Variants in ARSD observed in about 807,000 individuals in gnomAD.
ARSD encodes the protein arylsulfatase D, also known as testis tissue sperm-binding protein Li 39a.
ARSD carries 21 observed loss-of-function variants against 32.6 expected under a neutral mutation model. That is an observed-to-expected ratio of 0.64 (90% CI 0.46 to 0.93). The LOEUF (loss-of-function observed/expected upper bound fraction) is 0.93. ARSD is among the 40% of genes least tolerant of loss of function. ARSD has a pLI of 0.00. For missense variants in ARSD, 454 were observed against 520.9 expected (o/e 0.87, Z 1.25); for synonymous variants, 224 against 237.4 (o/e 0.94, Z 0.52).
rs1411265258 is a variant in ARSD at position 2,929,315 on chromosome X, C to T, written c.-40G>A. 4 of 941,712 alleles carry T rather than the reference C, an allele frequency of 4.2e-6. No individual in the cohort carries two copies. The highest frequency in any genetic ancestry group is 5.8e-5 in the Admixed American group (1 of 17,112). The allele number at this position is 941,712 out of a possible 1,213,427, so 77.6% of individuals were successfully genotyped here. A position where few individuals can be genotyped will look rare whatever the true frequency, so the allele number is the denominator to read the frequency against. On this transcript the variant is annotated 5_prime_UTR_variant, in exon 1 of 10. Coordinates refer to ENST00000381154, the MANE Select transcript of ARSD (RefSeq NM_001669.4). Reference sequence around the variant, plus strand: ...CCAGAGCGCAGGACCTTGCCCTGCGCACTCCGCGCCCGGGCGCCGCTAGTG... The same window carrying T: ...CCAGAGCGCAGGACCTTGCCCTGCGTACTCCGCGCCCGGGCGCCGCTAGTG...
At chrX:2,928,678 G>GT (rs1270609491) in intron 1 of ARSD, among the ~76,000 whole-genome samples, 22 of 83,204 alleles carry the variant, frequency 2.6e-4, no homozygotes, top group African/African-American at 8.3e-4. Context: ...GAGCTGGGGG[G>GT]TTGGGGGCGG....
At chrX:2,914,430 GC>G (rs2088933666) in intron 6 of ARSD, 2 of 413,811 alleles carry the variant, frequency 4.8e-6, no homozygotes, top group Non-Finnish European at 6.3e-6. Flanking sequence ...GGGGGGGGGG[GC>G]GTCTCACTAT....
At chrX:2,912,235 T>C (rs1362736860) in intron 6 of ARSD, among the ~76,000 whole-genome samples, 1 of 112,123 alleles carries the variant, frequency 8.9e-6, no homozygotes, top group East Asian at 2.8e-4. Context: ...GAGGCTTCTT[T>C]GGCATTATGA....
At chrX:2,925,113 G>A (rs897323090) in intron 2 of ARSD, among the ~76,000 whole-genome samples, 3 of 112,673 alleles carry the variant, frequency 2.7e-5, no homozygotes, top group African/African-American at 6.4e-5. Flanking sequence ...CACAACAGAC[G>A]TTGTTTGCAA....
chrX:2,928,686 C>T (rs866454983), intron 1 of ARSD, among the ~76,000 whole-genome samples: 1 of 17,059 alleles, frequency 5.9e-5, no homozygotes, highest in Non-Finnish European at 1.0e-4. Flanking sequence ...GGGTTGGGGG[C>T]GGGACGGGGT....
In ARSD at chrX:2,907,604, C is replaced by G; in HGVS notation, c.1449G>C (p.Thr483=). The change falls in exon 10 of 10, where the codon ACG becomes ACC. Residue 483 remains threonine (T), a synonymous_variant. Coordinates refer to ENST00000381154, the MANE Select transcript of ARSD (RefSeq NM_001669.4). ...CTCCCTCGGGGTGGAACTGCGGGGTCGTGTAATGAACCTTCCAGACGCTTC... is the reference window on the plus strand; with the variant it reads ...CTCCCTCGGGGTGGAACTGCGGGGTGGTGTAATGAACCTTCCAGACGCTTC... ...DSGSVWKVHY[T]TPQFHPEGAG... is the part of the protein sequence containing the mutation. 1 of 1,113,691 alleles carries G rather than the reference C, an allele frequency of 9.0e-7. No individual in the cohort carries two copies. Among genetic ancestry groups the G allele is most frequent in the Middle Eastern group, 2.6e-4 (1 of 3,914 alleles). The allele number at this position is 1,113,691 out of a possible 1,213,427, so 91.8% of individuals were successfully genotyped here.
intron 2 of ARSD, among the ~76,000 whole-genome samples, chrX:2,923,903 T>C (rs1698814): frequency 0.48 from 52,771 of 111,088 alleles, 9,038 homozygotes; most frequent in Admixed American, 0.54. Flanking sequence ...TGGTGACAGA[T>C]GCACAGCTCC....
At chrX:2,914,714 T>C (rs759724266) in intron 6 of ARSD, 1 of 1,026,246 alleles carries the variant, frequency 9.7e-7, no homozygotes, top group East Asian at 6.1e-5. Context: ...TGCATTGTCC[T>C]GAACATTAAC....
chrX:2,916,382 C>T (rs1188252506), intron 5 of ARSD, among the ~76,000 whole-genome samples: 3 of 109,396 alleles, frequency 2.7e-5, no homozygotes, highest in South Asian at 4.0e-4. Flanking sequence ...CCTGTAATCT[C>T]GGCCACTCAA....
At chrX:2,911,318 A>G (rs1251563765) in intron 6 of ARSD, among the ~76,000 whole-genome samples, 1 of 109,587 alleles carries the variant, frequency 9.1e-6, no homozygotes, top group Non-Finnish European at 1.9e-5. Flanking sequence ...GGTTGCAGTG[A>G]GGTGAGATTA....
chrX:2,917,493 C>G (rs73632967), intron 5 of ARSD, among the ~76,000 whole-genome samples: 2 of 109,966 alleles, frequency 1.8e-5, no homozygotes, highest in South Asian at 8.1e-4. Flanking sequence ...ATTTTTTTAG[C>G]GACAGAGTCT....
chrX:2,922,842 C>CAAAAAAAAAAAAAAAAAAAAAAAA (rs60380048), intron 2 of ARSD, among the ~76,000 whole-genome samples: 2 of 43,717 alleles, frequency 4.6e-5, no homozygotes, highest in Non-Finnish European at 7.9e-5. Flanking sequence ...GACCGTGTCT[C>CAAAAAAAAAAAAAAAAAAAAAAAA]AAAAAAAAAA....
chrX:2,917,632 C>T (rs761298394), intron 5 of ARSD, among the ~76,000 whole-genome samples, 172 bp downstream of exon 5: 22 of 110,307 alleles, frequency 2.0e-4, no homozygotes, highest in Admixed American at 1.9e-3. Flanking sequence ...CACCACTATG[C>T]CCGGCTAATG....
In ARSD at chrX:2,907,116, C is replaced by CAAAAAA. The variant is rs10634744; in HGVS notation, c.*149_*154dup. On this transcript the variant is annotated 3_prime_UTR_variant, in exon 10 of 10. Transcript: ENST00000381154. ...TGAGGGACAGAGCGACACTCTGTCT[C>CAAAAAA]AAAAAAGAAAGAAAGAAAGAAAGAA... 3 of 513,990 alleles carry CAAAAAA rather than the reference C, an allele frequency of 5.8e-6. No homozygotes were observed. Among genetic ancestry groups the CAAAAAA allele is most frequent in the Middle Eastern group, 5.4e-4 (1 of 1,835 alleles). The allele number at this position is 513,990 out of a possible 1,213,427, so 42.4% of individuals were successfully genotyped here. A position where few individuals can be genotyped will look rare whatever the true frequency, so the allele number is the denominator to read the frequency against.
rs1211009840 is a variant in ARSD at position 2,907,318 on chromosome X, G to A, written c.1735C>T (p.His579Tyr). ...WKPWLQPCCG[H>Y]FPFCSCHEDG... ...TCGTGGCATGAACAGAACGGGAAATGTCCGCAGCACGGCTGCAGCCACGGC... is the reference window on the plus strand; with the variant it reads ...TCGTGGCATGAACAGAACGGGAAATATCCGCAGCACGGCTGCAGCCACGGC... Residue 579 changes from histidine to tyrosine, a missense_variant, in exon 10 of 10, where the codon CAT becomes TAT. His to Tyr is a moderately conservative substitution (Grantham distance 83). This residue lies in a region of ARSD where 179 missense variants were observed against 198.5 expected (regional missense o/e 0.90). Coordinates refer to ENST00000381154, the MANE Select transcript of ARSD (RefSeq NM_001669.4). 4 of 1,211,875 alleles carry A rather than the reference G, an allele frequency of 3.3e-6. No individual in the cohort carries two copies. Among genetic ancestry groups the A allele is most frequent in the Non-Finnish European group, 4.5e-6 (4 of 895,450 alleles).
chrX:2,914,233 T>C (rs1318240901), intron 6 of ARSD: 1 of 746,179 alleles, frequency 1.3e-6, no homozygotes, highest in Non-Finnish European at 1.6e-6. Flanking sequence ...CGTCTTTTAT[T>C]TCTTTTTTTT....
chrX:2,919,033 C>T (rs1453926289), intron 4 of ARSD, among the ~76,000 whole-genome samples: 1 of 110,792 alleles, frequency 9.0e-6, no homozygotes, highest in Non-Finnish European at 1.9e-5. Flanking sequence ...AGGAGAATCG[C>T]TTGAACCCAG....
Position 2,908,817 on chromosome X carries a change from G to T in ARSD, c.1324C>A (p.Pro442Thr), listed in dbSNP as rs1205454538. ...DRVIDGHSLV[P>T]LLQGAEARSA... ...CGTGCCTCAGCTCCCTGCAGCAAGG[G>T]TACCAGGCTGTGGCCATCAATCACC... The change falls in exon 9 of 10, where the codon CCC (proline) becomes ACC (threonine). Residue 442 changes from proline to threonine, a missense_variant. This residue lies in a region of ARSD where 179 missense variants were observed against 198.5 expected (regional missense o/e 0.90). Transcript: ENST00000381154. 1 of 1,210,969 alleles carries T rather than the reference G, an allele frequency of 8.3e-7. No individual in the cohort carries two copies. Among genetic ancestry groups the T allele is most frequent in the Non-Finnish European group, 1.1e-6 (1 of 895,215 alleles).
At chrX:2,927,338 C>G (rs2089093471) in intron 1 of ARSD, among the ~76,000 whole-genome samples, 1 of 110,449 alleles carries the variant, frequency 9.1e-6, no homozygotes, top group African/African-American at 3.3e-5. Context: ...GGGCTCACTG[C>G]AACCTCCACC....
Sources: gnomAD v4.1 joint callset for allele counts (sites outside exome capture counted in the v4.1 genomes callset) on GRCh38, gnomAD v4.1.1 for gene constraint, gnomAD v4.1.1 regional missense constraint, MANE v1.5 for transcripts, NCBI Gene and HGNC (gene_info 2026-07-23, HGNC 2026-07-21) for gene names.